The following VPS13B variants were observed in gnomAD, a reference collection of about 807,000 sequenced individuals.
VPS13B encodes intermembrane lipid transfer protein VPS13B.
Under a neutral mutation model 426.4 loss-of-function variants are expected in VPS13B, and 285 were observed. The ratio of observed to expected loss-of-function variants is 0.67; its 90% CI spans 0.61 to 0.74. VPS13B has a LOEUF of 0.74. Among genes scored for constraint, VPS13B ranks in the 30% least tolerant of loss-of-function variants. The pLI is 0.00. For synonymous variants in VPS13B, 1,676 were observed against 1,676.4 expected, an observed-to-expected ratio of 1.00 and a Z score of 0.01; for missense variants, 4,537 against 4,782.6, an observed-to-expected ratio of 0.95 and a Z score of 1.51.
intron 24 of VPS13B, among the ~76,000 whole-genome samples, chr8:99,476,320 A>G (rs1468999146): frequency 1.3e-5 from 2 of 152,196 alleles, no homozygotes; most frequent in Non-Finnish European, 2.9e-5. Context: ...ATGAGACTCT[A>G]AATAAACCTC....
intron 19 of VPS13B, 128 bp from the exon 20 acceptor site, chr8:99,384,080 C>T (rs543038925): frequency 1.3e-5 from 11 of 816,584 alleles, no homozygotes; most frequent in Non-Finnish European, 2.1e-5. Context: ...TGCATTCCTC[C>T]ACATCCTTTC....
intron 5 of VPS13B, among the ~76,000 whole-genome samples, chr8:99,109,244 C>T (rs1001345024): frequency 2.6e-5 from 4 of 151,974 alleles, no homozygotes; most frequent in African/African-American, 7.2e-5. Context: ...AATTCATTTT[C>T]TAAGTTTTTG....
intron 49 of VPS13B, 126 bp from the exon 50 acceptor site, chr8:99,821,154 ACACACACACACACC>A: frequency 1.5e-6 from 1 of 651,518 alleles, no homozygotes; most frequent in Non-Finnish European, 2.6e-6. Context: ...ACACACACAC[ACACACACACACACC>A]ATGGAGGGAT....
chr8:99,556,385 A>T (rs1212333531), intron 30 of VPS13B, 65 bp from the exon 31 acceptor site: 5 of 1,529,230 alleles, frequency 3.3e-6, no homozygotes, highest in Non-Finnish European at 3.5e-6. Context: ...GAACAAAATA[A>T]ACATAGAATG....
At chr8:99,674,644 CTT>C (rs1179744026) in intron 35 of VPS13B, among the ~76,000 whole-genome samples, 1 of 151,924 alleles carries the variant, frequency 6.6e-6, no homozygotes, top group Non-Finnish European at 1.5e-5. Context: ...CTTATGGACT[CTT>C]TGTTTCTTCC....
chr8:99,347,768 G>A (rs1358953015), intron 19 of VPS13B: 1 of 152,236 alleles, frequency 6.6e-6, no homozygotes, highest in Non-Finnish European at 1.5e-5. Context: ...AGGTGTGGGA[G>A]TAGTGGAATA....
intron 43 of VPS13B, among the ~76,000 whole-genome samples, chr8:99,787,837 T>C (rs1006281805): frequency 2.6e-5 from 4 of 152,112 alleles, no homozygotes; most frequent in African/African-American, 7.2e-5. Context: ...TGCCTTTATC[T>C]TGTATGTAAG....
intron 35 of VPS13B, among the ~76,000 whole-genome samples, chr8:99,682,813 A>G (rs749038569): frequency 1.3e-5 from 2 of 152,078 alleles, no homozygotes; most frequent in Non-Finnish European, 2.9e-5. Context: ...GTCCCTCCCT[A>G]TAGGACACTG....
At chr8:99,579,347 A>C (rs537953774) in intron 33 of VPS13B, among the ~76,000 whole-genome samples, 1 of 152,352 alleles carries the variant, frequency 6.6e-6, no homozygotes, top group South Asian at 2.1e-4. Context: ...TATATTTTGA[A>C]AGGGCTAGTT....
intron 30 of VPS13B, 63 bp from the exon 31 acceptor site, chr8:99,556,387 C>T: frequency 6.5e-7 from 1 of 1,531,620 alleles, no homozygotes. Flanking sequence ...ACAAAATAAA[C>T]ATAGAATGGT....
chr8:99,650,847 A>G (rs1588587875), intron 34 of VPS13B, among the ~76,000 whole-genome samples: 1 of 152,340 alleles, frequency 6.6e-6, no homozygotes, highest in African/African-American at 2.4e-5. Flanking sequence ...TCAACCAACC[A>G]TAGATCAAAA....
At chr8:99,182,515 A>G (rs781550780) in intron 16 of VPS13B, among the ~76,000 whole-genome samples, 2 of 152,196 alleles carry the variant, frequency 1.3e-5, no homozygotes, top group Non-Finnish European at 2.9e-5. Flanking sequence ...TGTAAATTTT[A>G]CCTAAAGAAA....
intron 35 of VPS13B, among the ~76,000 whole-genome samples, chr8:99,687,256 C>T (rs1376618634): frequency 6.6e-6 from 1 of 151,946 alleles, no homozygotes. Context: ...GTCCCCTTTA[C>T]TCTCCCTCTC....
At chr8:99,378,013 A>G (rs1167745792) in intron 19 of VPS13B, among the ~76,000 whole-genome samples, 1 of 152,078 alleles carries the variant, frequency 6.6e-6, no homozygotes, top group Non-Finnish European at 1.5e-5. Flanking sequence ...TCTGACTAGA[A>G]TTCGCCAGGC....
chr8:99,083,037 A>G (rs1187017099), intron 3 of VPS13B, among the ~76,000 whole-genome samples: 1 of 152,178 alleles, frequency 6.6e-6, no homozygotes. Context: ...CATTGAATCT[A>G]TAAATTACCT....
rs1032196062 is a variant in VPS13B at position 99,453,807 on chromosome 8, A to C, written c.3445+11172A>C. Among the ~76,000 whole-genome samples the C allele has an allele frequency of 1.3e-5, 2 of 152,114 alleles. 1 individual carries two copies. Among genetic ancestry groups the C allele is most frequent in the African/African-American group, 4.8e-5 (2 of 41,410 alleles). On this transcript the variant is annotated intron_variant, in intron 23 of 61. Coordinates refer to ENST00000357162, the MANE Select transcript of VPS13B (RefSeq NM_152564.5). ...ATAGTTCATATATCCCCTGCTCCTAAACCTGCGCAGCCTCTCCAATTCAGT... is the reference window on the plus strand; with the variant it reads ...ATAGTTCATATATCCCCTGCTCCTACACCTGCGCAGCCTCTCCAATTCAGT...
intron 3 of VPS13B, among the ~76,000 whole-genome samples, chr8:99,069,645 A>G (rs1366680333): frequency 6.6e-6 from 1 of 152,204 alleles, no homozygotes; most frequent in African/African-American, 2.4e-5. Context: ...GAATGACAGC[A>G]TGATCTACTA....
intron 17 of VPS13B, among the ~76,000 whole-genome samples, chr8:99,247,789 T>C (rs1186192801): frequency 1.3e-5 from 2 of 152,232 alleles, no homozygotes; most frequent in Non-Finnish European, 2.9e-5. Context: ...AATTTTTTTT[T>C]CATTTCACTT....
chr8:99,210,337 A>G (rs1038979439), intron 17 of VPS13B, among the ~76,000 whole-genome samples: 2 of 152,082 alleles, frequency 1.3e-5, no homozygotes, highest in Admixed American at 6.6e-5. Context: ...ATTGACCCCT[A>G]TATTCTCAAA....
Sources: allele counts gnomAD v4.1 joint callset (sites outside exome capture counted in the v4.1 genomes callset), GRCh38; gene constraint gnomAD v4.1.1; transcripts MANE v1.5; gene names NCBI Gene and HGNC (gene_info 2026-07-23, HGNC 2026-07-21).